The following OR2T6 variants were observed in gnomAD, a reference collection of about 807,000 sequenced individuals.
OR2T6 encodes the protein olfactory receptor 2T6.
For missense variants in OR2T6, 424 were observed against 391.6 expected, an observed-to-expected ratio of 1.08 and a Z score of -0.70; for synonymous variants, 174 against 148.0, an observed-to-expected ratio of 1.18 and a Z score of -1.27.
Position 248,388,660 on chromosome 1 carries a change from G to C in OR2T6, c.*125G>C, listed in dbSNP as rs1047584416. ...CTGACAGGAACTTTCAATACCAGCT[G>C]TGCTAAATGGTGTATCAACAGTACC... On this transcript the variant is annotated 3_prime_UTR_variant, in exon 3 of 3. Coordinates refer to ENST00000641644, the MANE Select transcript of OR2T6 (RefSeq NM_001005471.2). The C allele has an allele frequency of 3.0e-6, 2 of 661,058 alleles. No individual in the cohort carries two copies. Among genetic ancestry groups the C allele is most frequent in the Non-Finnish European group, 2.5e-6 (1 of 402,568 alleles). The allele number at this position is 661,058 out of a possible 1,614,324, so 40.9% of individuals were successfully genotyped here. A position where few individuals can be genotyped will look rare whatever the true frequency, so the allele number is the denominator to read the frequency against.
chr1:248,388,573 C>A lies in OR2T6; in HGVS notation c.*38C>A, dbSNP rs1661193395. 6.8e-7 allele frequency: 1 copy of A among 1,468,252 alleles called. No homozygotes were observed. The highest frequency in any genetic ancestry group is 9.2e-7 in the Non-Finnish European group (1 of 1,087,114). The allele number at this position is 1,468,252 out of a possible 1,614,324, so 91.0% of individuals were successfully genotyped here. A position where few individuals can be genotyped will look rare whatever the true frequency, so the allele number is the denominator to read the frequency against. On this transcript the variant is annotated 3_prime_UTR_variant, in exon 3 of 3. Coordinates refer to ENST00000641644, the MANE Select transcript of OR2T6 (RefSeq NM_001005471.2). The stretch of plus-strand genomic sequence containing the variant: ...GTGATGAGGAAAGAATTCTGATGGT[C>A]TAAAACCTCCACATCCTGTTCAGGC...
At position 248,383,052 on chromosome 1, in the gene OR2T6, GAGAAAGCACTGCACTAGCCTGA is replaced by G. The variant is rs1340588725; in HGVS notation, c.-158-1658_-158-1637del. On this transcript the variant is annotated intron_variant, in intron 1 of 2. Coordinates refer to ENST00000641644, the MANE Select transcript of OR2T6 (RefSeq NM_001005471.2). ...AGTGTTTCCTAGTGTTATCATCATG[GAGAAAGCACTGCACTAGCCTGA>G]GTGTGCTCATCCTATCCTAATGTGT... 6.2e-3 allele frequency among the ~76,000 whole-genome samples: 937 copies of G among 150,950 alleles called. 67 individuals are homozygous for G. Among genetic ancestry groups the G allele is most frequent in the African/African-American group, 0.02 (825 of 40,462 alleles).
At position 248,389,055 on chromosome 1, in the gene OR2T6, CT is replaced by C. The variant is rs1468604141; in HGVS notation, c.*521del. Reference sequence around the variant, plus strand: ...ACCAAGATTTAGAAAATCCAAATATCTCTTCTTTGAGTAACCACTGAAAACA... The same window carrying C: ...ACCAAGATTTAGAAAATCCAAATATCCTTCTTTGAGTAACCACTGAAAACA... On this transcript the variant is annotated 3_prime_UTR_variant, in exon 3 of 3. Transcript: ENST00000641644. 6.5e-6 allele frequency: 1 copy of C among 153,130 alleles called. No individual in the cohort carries two copies. The highest frequency in any genetic ancestry group is 1.5e-5 in the Non-Finnish European group (1 of 68,786). 9.5% of individuals were successfully genotyped at this position (153,130 alleles called of 1,614,324 possible). A position where few individuals can be genotyped will look rare whatever the true frequency, so the allele number is the denominator to read the frequency against.
chr1:248,388,397 A>G lies in OR2T6; in HGVS notation c.789A>G (p.Gln263=). Residue 263 remains glutamine (Q), a synonymous_variant, in exon 3 of 3, where the codon CAA becomes CAG. Coordinates refer to ENST00000641644, the MANE Select transcript of OR2T6 (RefSeq NM_001005471.2). ...CCTTGTATACGTATACGCTTCCCCA[A>G]TCTTACCACACCCCAATCAAAGATA... The part of the protein sequence containing the change: ...GAALYTYTLP[Q]SYHTPIKDKV... 1.9e-6 allele frequency: 3 copies of G among 1,613,734 alleles called. No individual in the cohort carries two copies. Among genetic ancestry groups the G allele is most frequent in the Non-Finnish European group, 1.7e-6 (2 of 1,179,826 alleles).
chr1:248,378,880 A>AT (rs1358590158), intron 1 of OR2T6, among the ~76,000 whole-genome samples: 3 of 152,130 alleles, frequency 2.0e-5, no homozygotes, highest in East Asian at 1.9e-4. Flanking sequence ...TTATATAGAA[A>AT]TTTTTTTTGT....
Position 248,388,527 on chromosome 1 carries a change from A to C in OR2T6, c.919A>C (p.Arg307=), listed in dbSNP as rs1433199507. 1 of 1,566,708 alleles carries C rather than the reference A, an allele frequency of 6.4e-7. No individual in the cohort carries two copies. Among genetic ancestry groups the C allele is most frequent in the East Asian group, 2.2e-5 (1 of 44,580 alleles). The change falls in exon 3 of 3, where the codon AGA becomes CGA. Residue 307 remains arginine, a synonymous_variant. Coordinates refer to ENST00000641644, the MANE Select transcript of OR2T6 (RefSeq NM_001005471.2). ...VMGALKRVVA[R]C is the part of the protein sequence containing the mutation. Reference sequence around the variant, plus strand: ...GGGTGCCTTGAAGAGAGTTGTGGCAAGATGTTAGGGGACATGTGGTGTGAT... The same window carrying C: ...GGGTGCCTTGAAGAGAGTTGTGGCACGATGTTAGGGGACATGTGGTGTGAT...
chr1:248,378,419 G>T (rs1660974186), intron 1 of OR2T6, among the ~76,000 whole-genome samples: 1 of 151,250 alleles, frequency 6.6e-6, no homozygotes, highest in South Asian at 2.1e-4. Context: ...TTGATCTGGA[G>T]TGTGCGTTTT....
At chr1:248,378,843 C>T (rs1660983565) in intron 1 of OR2T6, among the ~76,000 whole-genome samples, 1 of 151,994 alleles carries the variant, frequency 6.6e-6, no homozygotes, top group Non-Finnish European at 1.5e-5. Flanking sequence ...TAGCATATTA[C>T]CAGTTATTTT....
At position 248,387,794 on chromosome 1, in the gene OR2T6, C is replaced by T. The variant is rs751517612; in HGVS notation, c.186C>T (p.Leu62=). ...DPHLHTPMYF[L]LSHLSVIDTL... ...ATCTCCACACCCCCATGTACTTCCTCCTCAGCCACCTCTCCGTCATTGACA... is the reference window on the plus strand; with the variant it reads ...ATCTCCACACCCCCATGTACTTCCTTCTCAGCCACCTCTCCGTCATTGACA... The change falls in exon 3 of 3, where the codon CTC becomes CTT. Residue 62 remains leucine (L), a synonymous_variant. Coordinates refer to ENST00000641644, the MANE Select transcript of OR2T6 (RefSeq NM_001005471.2). 8 of 1,610,798 alleles carry T rather than the reference C, an allele frequency of 5.0e-6. No homozygotes were observed. The highest frequency in any genetic ancestry group is 1.7e-6 in the Non-Finnish European group (2 of 1,177,328).
At position 248,391,505 on chromosome 1, in the gene OR2T6, G is replaced by GA. The variant is rs1661248388; in HGVS notation, c.*2973dup. 6.6e-6 allele frequency: 1 copy of GA among 152,076 alleles called. No homozygotes were observed. Among genetic ancestry groups the GA allele is most frequent in the Non-Finnish European group, 1.5e-5 (1 of 68,026 alleles). 9.4% of individuals were successfully genotyped at this position (152,076 alleles called of 1,614,324 possible). Reference sequence around the variant, plus strand: ...GAGCACAGAGGACTTTTAGAGCAGTGAAACTATTGTATATGACACAGTAAT... The same window carrying GA: ...GAGCACAGAGGACTTTTAGAGCAGTGAAAACTATTGTATATGACACAGTAAT... On this transcript the variant is annotated 3_prime_UTR_variant, in exon 3 of 3. Coordinates refer to ENST00000641644, the MANE Select transcript of OR2T6 (RefSeq NM_001005471.2).
At chr1:248,386,772 T>C (rs1661142284) in intron 2 of OR2T6, among the ~76,000 whole-genome samples, 1 of 152,234 alleles carries the variant, frequency 6.6e-6, no homozygotes, top group Non-Finnish European at 1.5e-5. Flanking sequence ...ACATTTGCTA[T>C]TTATTTTGTA....
Position 248,388,513 on chromosome 1 carries a change from A to G in OR2T6, c.905A>G (p.Lys302Arg). The G allele has an allele frequency of 6.3e-7, 1 of 1,576,684 alleles. No individual in the cohort carries two copies. Among genetic ancestry groups the G allele is most frequent in the Admixed American group, 1.8e-5 (1 of 54,740 alleles). The change falls in exon 3 of 3, where the codon AAG becomes AGG. Residue 302 changes from lysine to arginine, a missense_variant. Coordinates refer to ENST00000641644, the MANE Select transcript of OR2T6 (RefSeq NM_001005471.2). ...LRNRDVMGAL[K>R]RVVARC ...AACAGGGATGTGATGGGTGCCTTGAAGAGAGTTGTGGCAAGATGTTAGGGG... is the reference window on the plus strand; with the variant it reads ...AACAGGGATGTGATGGGTGCCTTGAGGAGAGTTGTGGCAAGATGTTAGGGG...
Position 248,390,191 on chromosome 1 carries a change from C to A in OR2T6, c.*1656C>A, listed in dbSNP as rs1661224419. On this transcript the variant is annotated 3_prime_UTR_variant, in exon 3 of 3. Transcript: ENST00000641644. ...TGCTCTATGAAATATAAAATAAAGT[C>A]TTTTTCTAAGATGGAGTTGGCTACG... The A allele has an allele frequency of 6.6e-6, 1 of 152,150 alleles. No individual in the cohort carries two copies. Among genetic ancestry groups the A allele is most frequent in the African/African-American group, 2.4e-5 (1 of 41,428 alleles). 9.4% of individuals were successfully genotyped at this position (152,150 alleles called of 1,614,324 possible).
chr1:248,388,268 G>T lies in OR2T6; in HGVS notation c.660G>T (p.Arg220Ser), dbSNP rs1412300060. 1 of 1,613,710 alleles carries T rather than the reference G, an allele frequency of 6.2e-7. No homozygotes were observed. The highest frequency in any genetic ancestry group is 2.2e-5 in the East Asian group (1 of 44,848). ...PFSVVTASYT[R>S]ILITVHQMTS... The stretch of plus-strand genomic sequence containing the variant: ...CGGTGGTGACTGCATCCTACACCAG[G>T]ATTCTCATCACAGTGCATCAGATGA... Residue 220 changes from arginine (R) to serine (S), a missense_variant, in exon 3 of 3, where the codon AGG becomes AGT. Coordinates refer to ENST00000641644, the MANE Select transcript of OR2T6 (RefSeq NM_001005471.2).
At chr1:248,378,852 T>A (rs561157203) in intron 1 of OR2T6, among the ~76,000 whole-genome samples, 2 of 152,322 alleles carry the variant, frequency 1.3e-5, no homozygotes, top group East Asian at 3.9e-4. Context: ...ACCAGTTATT[T>A]TACCATTTTT....
Position 248,375,944 on chromosome 1 carries a change from A to C in OR2T6, c.-269A>C, listed in dbSNP as rs1183436976. ...ATGAAGACAGAAAAAAAGAAGATCA[A>C]GAAGGTTCCCTTTTATCTCTTGTTT... On this transcript the variant is annotated 5_prime_UTR_variant, in exon 1 of 3. Coordinates refer to ENST00000641644, the MANE Select transcript of OR2T6 (RefSeq NM_001005471.2). 2 of 152,106 alleles carry C rather than the reference A, an allele frequency of 1.3e-5. No homozygotes were observed. Among genetic ancestry groups the C allele is most frequent in the Non-Finnish European group, 2.9e-5 (2 of 68,008 alleles). 9.4% of individuals were successfully genotyped at this position (152,106 alleles called of 1,614,324 possible). A position where few individuals can be genotyped will look rare whatever the true frequency, so the allele number is the denominator to read the frequency against.
At chr1:248,386,610 A>C (rs1404969135) in intron 2 of OR2T6, among the ~76,000 whole-genome samples, 1 of 152,252 alleles carries the variant, frequency 6.6e-6, no homozygotes, top group Non-Finnish European at 1.5e-5. Flanking sequence ...TACTGATAAC[A>C]CTTAGAAAAT....
chr1:248,377,418 T>C (rs1660954621), intron 1 of OR2T6, among the ~76,000 whole-genome samples: 1 of 152,220 alleles, frequency 6.6e-6, no homozygotes, highest in African/African-American at 2.4e-5. Flanking sequence ...TACAAGGCTG[T>C]GCTAATGGCT....
Position 248,390,890 on chromosome 1 carries a change from T to A in OR2T6, c.*2355T>A, listed in dbSNP as rs1473498405. 1 of 152,212 alleles carries A rather than the reference T, an allele frequency of 6.6e-6. No individual in the cohort carries two copies. Among genetic ancestry groups the A allele is most frequent in the Non-Finnish European group, 1.5e-5 (1 of 68,040 alleles). The allele number at this position is 152,212 out of a possible 1,614,324, so 9.4% of individuals were successfully genotyped here. A position where few individuals can be genotyped will look rare whatever the true frequency, so the allele number is the denominator to read the frequency against. ...TAAAATTTGACTTAATACATACTTT[T>A]TTTCTTGTAAGATTTTAAAATCAAG... On this transcript the variant is annotated 3_prime_UTR_variant, in exon 3 of 3. Coordinates refer to ENST00000641644, the MANE Select transcript of OR2T6 (RefSeq NM_001005471.2).
Sources: gnomAD v4.1 joint callset for allele counts (sites outside exome capture counted in the v4.1 genomes callset) on GRCh38, gnomAD v4.1.1 for gene constraint, MANE v1.5 for transcripts, NCBI Gene and HGNC (gene_info 2026-07-23, HGNC 2026-07-21) for gene names.